Variants in AKR1C8 observed in about 807,000 individuals in gnomAD.
The protein encoded by AKR1C8 is aldo-keto reductase family 1 member C-like protein 1.
the AKR1C8 span, among the ~76,000 whole-genome samples, chr10:5,150,160 AT>A: frequency 2.6e-5 from 4 of 152,144 alleles, no homozygotes; most frequent in Admixed American, 1.3e-4. Context: ...CAATGGCACA[AT>A]TTCCATGGTT....
chr10:5,178,102 T>C, the AKR1C8 span, among the ~76,000 whole-genome samples: 84,368 of 151,036 alleles, frequency 0.56, 24,452 homozygotes, highest in Non-Finnish European at 0.6. Context: ...TTCCTTCTTT[T>C]TCTTGTGGGC....
the AKR1C8 span, among the ~76,000 whole-genome samples, chr10:5,184,754 A>G: frequency 6.6e-6 from 1 of 152,246 alleles, no homozygotes. Flanking sequence ...GGTAACATTG[A>G]TACTTTTAAT....
the AKR1C8 span, among the ~76,000 whole-genome samples, chr10:5,121,622 G>C: frequency 6.6e-6 from 1 of 151,846 alleles, no homozygotes; most frequent in African/African-American, 2.4e-5. Flanking sequence ...ACTTCCCTAG[G>C]ACCTACGCAC....
chr10:5,170,128 T>A, the AKR1C8 span, among the ~76,000 whole-genome samples: 1 of 152,044 alleles, frequency 6.6e-6, no homozygotes, highest in Non-Finnish European at 1.5e-5. Context: ...GTGAAGAGAT[T>A]TCCTCCTGTG....
the AKR1C8 span, among the ~76,000 whole-genome samples, chr10:5,116,743 T>C: frequency 6.6e-6 from 1 of 152,344 alleles, no homozygotes; most frequent in South Asian, 2.1e-4. Context: ...CCTTCATTGC[T>C]GTCCTTCAGG....
the AKR1C8 span, among the ~76,000 whole-genome samples, chr10:5,176,278 C>T: frequency 5.2e-5 from 5 of 95,970 alleles, no homozygotes; most frequent in Admixed American, 1.1e-4. Flanking sequence ...GTCAAAGATC[C>T]GATAGTTGTA....
chr10:5,178,904 C>T, the AKR1C8 span, among the ~76,000 whole-genome samples: 3 of 152,266 alleles, frequency 2.0e-5, no homozygotes, highest in East Asian at 3.9e-4. Flanking sequence ...CTGAATACAG[C>T]ACACTGATGG....
the AKR1C8 span, among the ~76,000 whole-genome samples, chr10:5,143,490 A>C: frequency 6.6e-6 from 1 of 152,102 alleles, no homozygotes; most frequent in Non-Finnish European, 1.5e-5. Context: ...TGGCCATGGC[A>C]CTGGCTTTCA....
chr10:5,160,843 A>G, the AKR1C8 span: 1 of 471,146 alleles, frequency 2.1e-6, no homozygotes, highest in Non-Finnish European at 4.4e-6. Flanking sequence ...CACAGTTTCT[A>G]AAATAATCTC....
the AKR1C8 span, among the ~76,000 whole-genome samples, chr10:5,156,285 C>T: frequency 1.3e-5 from 2 of 152,084 alleles, no homozygotes; most frequent in Non-Finnish European, 2.9e-5. Context: ...CTATTTCCAG[C>T]TGTGTTTGCT....
the AKR1C8 span, among the ~76,000 whole-genome samples, chr10:5,152,731 T>C: frequency 6.6e-6 from 1 of 152,196 alleles, no homozygotes; most frequent in South Asian, 2.1e-4. Context: ...GGTATTGTTT[T>C]ATGAGTCCCA....
the AKR1C8 span, chr10:5,123,518 T>G: frequency 1.8e-6 from 1 of 566,578 alleles, no homozygotes; most frequent in African/African-American, 1.9e-5. Context: ...GACTAAGGTG[T>G]TCATTCTGCA....
chr10:5,169,706 T>C, the AKR1C8 span, among the ~76,000 whole-genome samples: 1 of 151,928 alleles, frequency 6.6e-6, no homozygotes, highest in Non-Finnish European at 1.5e-5. Context: ...CTACAGTATA[T>C]AGTCCTACCG....
chr10:5,153,397 T>C, the AKR1C8 span, among the ~76,000 whole-genome samples: 2 of 152,180 alleles, frequency 1.3e-5, no homozygotes, highest in African/African-American at 4.8e-5. Flanking sequence ...AAAAATATGG[T>C]AGTTATTTAA....
the AKR1C8 span, among the ~76,000 whole-genome samples, chr10:5,151,086 C>A: frequency 2.4e-3 from 372 of 152,184 alleles, 1 homozygote; most frequent in Non-Finnish European, 4.0e-3. Context: ...TGTCCTCTTG[C>A]ACTGAGTCAG....
the AKR1C8 span, among the ~76,000 whole-genome samples, chr10:5,143,240 C>CT: frequency 6.6e-6 from 1 of 152,156 alleles, no homozygotes; most frequent in African/African-American, 2.4e-5. Context: ...CTTGCTCTCT[C>CT]TCTCCTGAAG....
At chr10:5,140,282 C>T in the AKR1C8 span, among the ~76,000 whole-genome samples, 71 of 152,290 alleles carry the variant, frequency 4.7e-4, no homozygotes, top group Non-Finnish European at 9.3e-4. Context: ...TTTGACCCAG[C>T]GATCCCATTA....
the AKR1C8 span, among the ~76,000 whole-genome samples, chr10:5,156,766 A>C: frequency 6.6e-6 from 1 of 152,188 alleles, no homozygotes; most frequent in African/African-American, 2.4e-5. Flanking sequence ...TAATTTTTCC[A>C]CAAGTTAATA....
the AKR1C8 span, among the ~76,000 whole-genome samples, chr10:5,150,908 T>G: frequency 6.6e-6 from 1 of 152,176 alleles, no homozygotes; most frequent in Non-Finnish European, 1.5e-5. Flanking sequence ...AAGAGATTAA[T>G]TCACACTGTT....
Sources: allele counts gnomAD v4.1 joint callset (sites outside exome capture counted in the v4.1 genomes callset), GRCh38; gene constraint gnomAD v4.1.1; transcripts MANE v1.5; gene names NCBI Gene and HGNC (gene_info 2026-07-23, HGNC 2026-07-21).